The following AXIN1 variants were observed in gnomAD, a reference collection of about 807,000 sequenced individuals.
AXIN1 encodes axin-1.
AXIN1 carries 30 observed loss-of-function variants against 76.4 expected under a neutral mutation model. That is an observed-to-expected ratio of 0.39 (90% CI 0.29 to 0.53). AXIN1 has a LOEUF of 0.53. AXIN1 is among the 20% of genes least tolerant of loss of function. The pLI is 0.66. For missense variants in AXIN1, 1,140 were observed against 1,198.8 expected (o/e 0.95, Z 0.72); for synonymous variants, 545 against 501.4 (o/e 1.09, Z -1.16).
intron 2 of AXIN1, among the ~76,000 whole-genome samples, chr16:345,368 G>A (rs542108485): frequency 1.4e-4 from 21 of 152,294 alleles, no homozygotes; most frequent in Admixed American, 6.5e-4. Context: ...CACGTAAAAC[G>A]TCCCCCCTGC....
intron 2 of AXIN1, among the ~76,000 whole-genome samples, chr16:345,364 A>C (rs1416181890): frequency 6.6e-6 from 1 of 152,216 alleles, no homozygotes; most frequent in Non-Finnish European, 1.5e-5. Flanking sequence ...CCCACACGTA[A>C]AACGTCCCCC....
intron 2 of AXIN1, among the ~76,000 whole-genome samples, chr16:341,549 C>A (rs367620673): frequency 5.2e-4 from 80 of 152,382 alleles, no homozygotes; most frequent in African/African-American, 1.8e-3. Context: ...CCCCCCACCC[C>A]CTCCGTGGGC....
intron 2 of AXIN1, among the ~76,000 whole-genome samples, chr16:317,072 G>C (rs1393673580): frequency 6.6e-6 from 1 of 152,136 alleles, no homozygotes; most frequent in African/African-American, 2.4e-5. Flanking sequence ...TTGGTGTGGA[G>C]GGAGGGACCA....
chr16:309,426 G>A (rs758489934), intron 4 of AXIN1, among the ~76,000 whole-genome samples: 1 of 152,226 alleles, frequency 6.6e-6, no homozygotes, highest in Non-Finnish European at 1.5e-5. Context: ...GAGTCAGGCT[G>A]TGCTGGGCTC....
intron 8 of AXIN1, chr16:291,519 G>C: frequency 1.7e-6 from 1 of 600,764 alleles, no homozygotes; most frequent in Admixed American, 2.5e-5. Context: ...TCATGATCCC[G>C]GCACCAACCC....
At chr16:291,395 T>C in intron 8 of AXIN1, 98 bp from the exon 9 acceptor site, 1 of 1,073,412 alleles carries the variant, frequency 9.3e-7, no homozygotes, top group Non-Finnish European at 1.4e-6. Context: ...GGACGGAGCG[T>C]GAAGGGCCCG....
chr16:296,993 C>T (rs2141501219), intron 7 of AXIN1, 63 bp downstream of exon 7: 2 of 1,558,928 alleles, frequency 1.3e-6, no homozygotes, highest in Non-Finnish European at 1.8e-6. Context: ...CACACTGAGA[C>T]TGTGCGGAGG....
At chr16:338,584 G>A (rs1190406574) in intron 2 of AXIN1, among the ~76,000 whole-genome samples, 4 of 152,232 alleles carry the variant, frequency 2.6e-5, no homozygotes, top group African/African-American at 9.6e-5. Flanking sequence ...GGCTAAGGAA[G>A]AGAAAAAATA....
intron 5 of AXIN1, among the ~76,000 whole-genome samples, chr16:301,516 C>A (rs944122236): frequency 6.6e-6 from 1 of 151,754 alleles, no homozygotes; most frequent in African/African-American, 2.4e-5. Flanking sequence ...TAAGGCCAGG[C>A]ACGGTGGCTC....
At chr16:333,338 A>G (rs2053732893) in intron 2 of AXIN1, among the ~76,000 whole-genome samples, 1 of 151,904 alleles carries the variant, frequency 6.6e-6, no homozygotes, top group African/African-American at 2.4e-5. Context: ...ATCTCGAAAA[A>G]AAAAAATTAG....
At chr16:313,014 A>G (rs1025500930) in intron 3 of AXIN1, among the ~76,000 whole-genome samples, 12 of 152,264 alleles carry the variant, frequency 7.9e-5, no homozygotes, top group African/African-American at 2.6e-4. Context: ...GTCTCCACAA[A>G]AATAATCATC....
Position 346,479 on chromosome 16 carries a change from C to T in AXIN1, c.547G>A (p.Asp183Asn). The change falls in exon 2 of 11, where the codon GAC becomes AAC. Residue 183 changes from aspartate (D) to asparagine (N), a missense_variant. By Grantham distance (23) the Asp-to-Asn change is conservative. This residue lies in a region of AXIN1 where 708 missense variants were observed against 776.9 expected (regional missense o/e 0.91). Transcript: ENST00000262320. ...MKQLIDPAMFDQAQTEIQATM... is the reference protein window; with the variant it reads ...MKQLIDPAMFNQAQTEIQATM... ...GCCTGGATTTCGGTCTGGGCCTGGT[C>T]AAACATGGCAGGATCGATCAGCTGC... The T allele has an allele frequency of 6.2e-7, 1 of 1,614,156 alleles. No individual in the cohort carries two copies. Among genetic ancestry groups the T allele is most frequent in the Non-Finnish European group, 8.5e-7 (1 of 1,180,030 alleles).
intron 2 of AXIN1, among the ~76,000 whole-genome samples, chr16:337,505 A>T (rs1421166603): frequency 2.0e-5 from 3 of 151,132 alleles, no homozygotes; most frequent in African/African-American, 7.3e-5. Context: ...ACCAAAAAAA[A>T]AAAAAAAAAA....
At chr16:347,693 CAT>C (rs2054060484) in intron 1 of AXIN1, among the ~76,000 whole-genome samples, 1 of 152,230 alleles carries the variant, frequency 6.6e-6, no homozygotes, top group Admixed American at 6.5e-5. Context: ...CCTTCCGACA[CAT>C]GAGAACACAC....
chr16:324,582 G>A (rs1379366130), intron 2 of AXIN1, among the ~76,000 whole-genome samples: 1 of 152,244 alleles, frequency 6.6e-6, no homozygotes, highest in Non-Finnish European at 1.5e-5. Flanking sequence ...CAGGTGGTCA[G>A]TAGGCGCTTC....
In AXIN1 at chr16:352,417, G is replaced by T; in HGVS notation, c.-130C>A. ...CCGGGCCCGGCTCCCGGAGCGGCGC[G>T]GCGCGGTCCGGGCCCATGCGCTCAG... On this transcript the variant is annotated 5_prime_UTR_variant, in exon 1 of 11. Coordinates refer to ENST00000262320, the MANE Select transcript of AXIN1 (RefSeq NM_003502.4). 1 of 830,032 alleles carries T rather than the reference G, an allele frequency of 1.2e-6. No homozygotes were observed. Among genetic ancestry groups the T allele is most frequent in the South Asian group, 6.1e-5 (1 of 16,448 alleles). The allele number at this position is 830,032 out of a possible 1,614,324, so 51.4% of individuals were successfully genotyped here.
intron 2 of AXIN1, among the ~76,000 whole-genome samples, chr16:329,609 C>A (rs2053652224): frequency 6.6e-6 from 1 of 151,536 alleles, no homozygotes; most frequent in South Asian, 2.1e-4. Flanking sequence ...CCATGCCCGG[C>A]TAATTTTTGT....
At chr16:320,743 A>ATATATATATATATTTTTTTTTT (rs397722732) in intron 2 of AXIN1, among the ~76,000 whole-genome samples, 2 of 107,664 alleles carry the variant, frequency 1.9e-5, no homozygotes, top group African/African-American at 9.2e-5. Flanking sequence ...ATATATATAT[A>ATATATATATATATTTTTTTTTT]TTTTTTTTTT....
rs559462867 is a variant in AXIN1, at chr16:301,946, C to T, written c.1254+2358G>A. ...AAATGATGATGCTGACGTCACAGCCCGTGGGCCCGGATGTGGCCTGCGGAC... is the reference window on the plus strand; with the variant it reads ...AAATGATGATGCTGACGTCACAGCCTGTGGGCCCGGATGTGGCCTGCGGAC... On this transcript the variant is annotated intron_variant, in intron 5 of 10. Transcript: ENST00000262320. 1.4e-4 allele frequency among the ~76,000 whole-genome samples: 22 copies of T among 152,346 alleles called. 1 individual carries two copies. Among genetic ancestry groups the T allele is most frequent in the African/African-American group, 4.6e-4 (19 of 41,578 alleles).
Sources: gnomAD v4.1 joint callset for allele counts (sites outside exome capture counted in the v4.1 genomes callset) on GRCh38, gnomAD v4.1.1 for gene constraint, gnomAD v4.1.1 regional missense constraint, MANE v1.5 for transcripts, NCBI Gene and HGNC (gene_info 2026-07-23, HGNC 2026-07-21) for gene names.